Variants in PRORP observed in about 807,000 individuals in gnomAD.
The protein encoded by PRORP is protein only RNase P catalytic subunit.
In PRORP, 51 loss-of-function variants were observed where a neutral mutation model predicts 59.4. That is an observed-to-expected ratio of 0.86 (90% CI 0.69 to 1.08). PRORP has a LOEUF of 1.08. PRORP is among the 50% of genes least tolerant of loss of function. PRORP has a pLI of 0.00. For synonymous variants in PRORP, 231 were observed against 245.6 expected, an observed-to-expected ratio of 0.94 and a Z score of 0.55; for missense variants, 646 against 690.3, an observed-to-expected ratio of 0.94 and a Z score of 0.72.
intron 5 of PRORP, among the ~76,000 whole-genome samples, chr14:35,184,856 A>T (rs1172945965): frequency 6.6e-6 from 1 of 152,132 alleles, no homozygotes; most frequent in Admixed American, 6.6e-5. Context: ...ACATGATCTC[A>T]TTCTTTTTTT....
At chr14:35,161,347 C>T (rs1325586941) in intron 4 of PRORP, among the ~76,000 whole-genome samples, 4 of 152,046 alleles carry the variant, frequency 2.6e-5, no homozygotes, top group African/African-American at 4.8e-5. Context: ...AGAAGTGAAG[C>T]GATTTGATCG....
At chr14:35,175,220 T>C (rs1313670684) in intron 4 of PRORP, among the ~76,000 whole-genome samples, 1 of 152,162 alleles carries the variant, frequency 6.6e-6, no homozygotes, top group Non-Finnish European at 1.5e-5. Context: ...CATGTGTCTT[T>C]ATAGCAGCAT....
chr14:35,261,931 C>T (rs576571665), intron 5 of PRORP, among the ~76,000 whole-genome samples: 6 of 152,218 alleles, frequency 3.9e-5, no homozygotes, highest in Admixed American at 2.6e-4. Flanking sequence ...TTTCAGAGAG[C>T]TGCTTCTAGT....
intron 5 of PRORP, among the ~76,000 whole-genome samples, chr14:35,184,453 C>T (rs1056927537): frequency 1.3e-5 from 2 of 152,108 alleles, no homozygotes; most frequent in African/African-American, 4.8e-5. Flanking sequence ...ATTGCCACCT[C>T]AGTTGAATTA....
rs2049744333 is a variant in PRORP, at chr14:35,220,500, T to G, written c.1275+39723T>G. ...ACACGGCATTATAGGAGGTGTAAGATCCTCTCTAACACCAGCCCCGCAAAA... is the reference window on the plus strand; with the variant it reads ...ACACGGCATTATAGGAGGTGTAAGAGCCTCTCTAACACCAGCCCCGCAAAA... On this transcript the variant is annotated intron_variant, in intron 5 of 7. Coordinates refer to ENST00000534898, the MANE Select transcript of PRORP (RefSeq NM_014672.4). Among the ~76,000 whole-genome samples the G allele has an allele frequency of 1.3e-5, 2 of 152,090 alleles. 1 individual carries two copies. Among genetic ancestry groups the G allele is most frequent in the South Asian group, 4.1e-4 (2 of 4,828 alleles).
chr14:35,227,867 G>A (rs759167165), intron 5 of PRORP, among the ~76,000 whole-genome samples: 34 of 151,878 alleles, frequency 2.2e-4, no homozygotes, highest in Non-Finnish European at 4.1e-4. Context: ...TAAATCAGCC[G>A]GGCGCAGTGG....
chr14:35,222,963 T>TA (rs2138451541), intron 5 of PRORP, among the ~76,000 whole-genome samples: 1 of 152,332 alleles, frequency 6.6e-6, no homozygotes, highest in Non-Finnish European at 1.5e-5. Flanking sequence ...CACTCCCTGT[T>TA]ATAGTTTCTG....
chr14:35,173,550 T>G (rs2048371124), intron 4 of PRORP, among the ~76,000 whole-genome samples: 1 of 152,112 alleles, frequency 6.6e-6, no homozygotes. Context: ...TTTCTAGGAT[T>G]CCCTGTCATT....
At chr14:35,272,385 G>A (rs1269207958) in intron 7 of PRORP, among the ~76,000 whole-genome samples, 2 of 152,166 alleles carry the variant, frequency 1.3e-5, no homozygotes, top group Non-Finnish European at 2.9e-5. Flanking sequence ...GGCCGAAGCA[G>A]GAGGATTGCC....
intron 4 of PRORP, among the ~76,000 whole-genome samples, chr14:35,165,533 G>A (rs1169511143): frequency 6.6e-6 from 1 of 152,178 alleles, no homozygotes; most frequent in East Asian, 1.9e-4. Flanking sequence ...CACATGGAAA[G>A]CACTATGTAA....
At chr14:35,140,159 T>C (rs1294436242) in intron 4 of PRORP, among the ~76,000 whole-genome samples, 6 of 144,660 alleles carry the variant, frequency 4.1e-5, no homozygotes, top group African/African-American at 1.2e-4. Context: ...CTACTACAGC[T>C]TTTTTTTTCT....
intron 6 of PRORP, among the ~76,000 whole-genome samples, chr14:35,267,128 G>T (rs1170942909): frequency 6.6e-6 from 1 of 152,144 alleles, no homozygotes; most frequent in Non-Finnish European, 1.5e-5. Flanking sequence ...GGGAAGTTAA[G>T]TCAGGAGTGA....
At chr14:35,268,684 C>T (rs542101457) in intron 6 of PRORP, among the ~76,000 whole-genome samples, 7 of 152,292 alleles carry the variant, frequency 4.6e-5, no homozygotes, top group Admixed American at 3.9e-4. Context: ...CAACCTCCAC[C>T]TCCCGGGTTC....
chr14:35,269,787 C>T (rs913778843), intron 6 of PRORP, among the ~76,000 whole-genome samples: 1 of 152,088 alleles, frequency 6.6e-6, no homozygotes, highest in Non-Finnish European at 1.5e-5. Flanking sequence ...GTCTGAATCT[C>T]CTAAAGCAAG....
chr14:35,166,780 C>T (rs906664835), intron 4 of PRORP, among the ~76,000 whole-genome samples: 5 of 152,096 alleles, frequency 3.3e-5, no homozygotes, highest in South Asian at 4.1e-4. Flanking sequence ...AAGCTCCTAA[C>T]GTATCTTTCA....
chr14:35,229,386 G>A (rs2050015356), intron 5 of PRORP, among the ~76,000 whole-genome samples: 1 of 152,072 alleles, frequency 6.6e-6, no homozygotes, highest in Admixed American at 6.5e-5. Flanking sequence ...CGTCCAGAAT[G>A]GTGTTTACTA....
chr14:35,149,288 C>T (rs141137018), intron 4 of PRORP, among the ~76,000 whole-genome samples: 49 of 151,844 alleles, frequency 3.2e-4, no homozygotes, highest in African/African-American at 1.0e-3. Context: ...GATCATAGTC[C>T]ACTGGGGCCT....
Position 35,266,844 on chromosome 14 carries a change from A to C in PRORP, c.1393A>C (p.Lys465Gln). The change falls in exon 6 of 8, where the codon AAG (lysine) becomes CAG (glutamine). Residue 465 changes from lysine (K) to glutamine (Q), a missense_variant. Lys to Gln is a moderately conservative substitution (Grantham distance 53, BLOSUM62 1). Coordinates refer to ENST00000534898, the MANE Select transcript of PRORP (RefSeq NM_014672.4). ...WSRDEMEEVQKQASCFFADDI... is the reference protein window; with the variant it reads ...WSRDEMEEVQQQASCFFADDI... ...TCGGGATGAGATGGAAGAGGTGCAA[A>C]AGCAAGCCAGCTGTTTTTTTGCTGA... 2.5e-6 allele frequency: 4 copies of C among 1,614,184 alleles called. No individual in the cohort carries two copies. The highest frequency in any genetic ancestry group is 3.4e-6 in the Non-Finnish European group (4 of 1,180,028).
At chr14:35,190,280 C>T (rs1339538220) in intron 5 of PRORP, among the ~76,000 whole-genome samples, 4 of 151,310 alleles carry the variant, frequency 2.6e-5, no homozygotes, top group Non-Finnish European at 5.9e-5. Context: ...TGCCTGTAAT[C>T]CCAGCTACTC....
Sources: allele counts gnomAD v4.1 joint callset (sites outside exome capture counted in the v4.1 genomes callset), GRCh38; gene constraint gnomAD v4.1.1; transcripts MANE v1.5; gene names NCBI Gene and HGNC (gene_info 2026-07-23, HGNC 2026-07-21).